Variants in TBC1D2B observed in about 807,000 individuals in gnomAD.
TBC1D2B encodes TBC1 domain family member 2B.
Under a neutral mutation model 100.8 loss-of-function variants are expected in TBC1D2B, and 64 were observed. That is an observed-to-expected ratio of 0.64 (90% CI 0.52 to 0.78). The LOEUF (loss-of-function observed/expected upper bound fraction) is 0.78. Among genes scored for constraint, TBC1D2B ranks in the 30% least tolerant of loss-of-function variants. The pLI is 0.00. For synonymous variants in TBC1D2B, 480 were observed against 479.7 expected, an observed-to-expected ratio of 1.00 and a Z score of -0.01; for missense variants, 1,052 against 1,218.4, an observed-to-expected ratio of 0.86 and a Z score of 2.03.
intron 3 of TBC1D2B, among the ~76,000 whole-genome samples, chr15:78,034,879 G>A (rs1032085762): frequency 2.0e-5 from 3 of 152,176 alleles, no homozygotes; most frequent in African/African-American, 7.2e-5. Context: ...TTACAGTGCA[G>A]ACTTCTCAGA....
intron 3 of TBC1D2B, among the ~76,000 whole-genome samples, chr15:78,039,975 C>A (rs2073037320): frequency 6.6e-6 from 1 of 152,248 alleles, no homozygotes; most frequent in Non-Finnish European, 1.5e-5. Flanking sequence ...CCCAGCCTAG[C>A]ACCCAGAGAT....
intron 3 of TBC1D2B, among the ~76,000 whole-genome samples, chr15:78,039,413 A>G (rs1168420077): frequency 6.6e-6 from 1 of 152,150 alleles, no homozygotes; most frequent in East Asian, 1.9e-4. Flanking sequence ...GGCCTGAGGG[A>G]GTCAAGAGAG....
At position 78,011,644 on chromosome 15, in the gene TBC1D2B, G is replaced by GTTTTTTTTTTTTTTTTTTTT. The variant is rs773624522; in HGVS notation, c.2270+1178_2270+1179insAAAAAAAAAAAAAAAAAAAA. Among the ~76,000 whole-genome samples, 2 of 127,550 alleles carry GTTTTTTTTTTTTTTTTTTTT rather than the reference G, an allele frequency of 1.6e-5. 1 individual carries two copies. 83.7% of individuals were successfully genotyped at this position (127,550 alleles called of 152,430 possible). ...TGCCACCATGCCCAGCTAATTTTTT[G>GTTTTTTTTTTTTTTTTTTTT]GTTTTTTTTTTTTTTTTTTTTTTAG... On this transcript the variant is annotated intron_variant, in intron 9 of 12. Coordinates refer to ENST00000300584, the MANE Select transcript of TBC1D2B (RefSeq NM_144572.2).
chr15:78,011,042 T>G (rs2072209084), intron 9 of TBC1D2B, among the ~76,000 whole-genome samples: 1 of 152,188 alleles, frequency 6.6e-6, no homozygotes, highest in Non-Finnish European at 1.5e-5. Context: ...ATTTTTAGAT[T>G]GAGTATGCAA....
At chr15:78,023,439 C>CTTCT (rs1483569367) in intron 6 of TBC1D2B, among the ~76,000 whole-genome samples, 2 of 152,180 alleles carry the variant, frequency 1.3e-5, no homozygotes, top group Non-Finnish European at 2.9e-5. Context: ...AATCATTAGG[C>CTTCT]TTCTCTACAG....
Position 78,016,695 on chromosome 15 carries a change from G to GT in TBC1D2B, c.1625dup (p.Tyr542Ter). The GT allele has an allele frequency of 6.3e-7, 1 of 1,593,636 alleles. No individual in the cohort carries two copies. Among genetic ancestry groups the GT allele is most frequent in the Non-Finnish European group, 8.5e-7 (1 of 1,171,128 alleles). Residue 542 changes from tyrosine (Y) to a stop codon, truncating the protein, a stop_gained and frameshift_variant, in exon 8 of 13, where the codon TAC becomes TAAC. Transcript: ENST00000300584. LOFTEE classifies it high-confidence loss of function. Reference sequence around the variant, plus strand: ...TCTTCATTTCTTGGAGCAATATCAGGTATTTACTTTCTATCTGGCAGAGCT... The same window carrying GT: ...TCTTCATTTCTTGGAGCAATATCAGGTTATTTACTTTCTATCTGGCAGAGCT... ...EAKLCQIESK[Y>*]LILLQEMKTP...
chr15:78,038,388 A>G (rs2072999123), intron 3 of TBC1D2B, among the ~76,000 whole-genome samples: 1 of 152,222 alleles, frequency 6.6e-6, no homozygotes, highest in Non-Finnish European at 1.5e-5. Context: ...TAACCAGAGA[A>G]GACAGAGCCC....
At chr15:78,074,341 G>C (rs2073793960) in intron 1 of TBC1D2B, among the ~76,000 whole-genome samples, 1 of 152,080 alleles carries the variant, frequency 6.6e-6, no homozygotes, top group African/African-American at 2.4e-5. Context: ...CCTTCTTCCA[G>C]AAAGCCTTGC....
intron 3 of TBC1D2B, among the ~76,000 whole-genome samples, chr15:78,033,652 G>C (rs549785034): frequency 6.1e-4 from 93 of 151,934 alleles, no homozygotes; most frequent in African/African-American, 2.2e-3. Flanking sequence ...ACTTATTGGA[G>C]GTAAATTATA....
chr15:78,075,444 C>T (rs377335555), intron 1 of TBC1D2B, among the ~76,000 whole-genome samples: 2 of 152,182 alleles, frequency 1.3e-5, no homozygotes, highest in African/African-American at 4.8e-5. Flanking sequence ...GTGATCCACC[C>T]GTCTCGGCCT....
chr15:78,075,589 G>A (rs566872969), intron 1 of TBC1D2B, among the ~76,000 whole-genome samples: 33 of 152,276 alleles, frequency 2.2e-4, no homozygotes, highest in East Asian at 3.9e-4. Context: ...AAATTCGTCC[G>A]ACACAGGGAC....
At chr15:78,067,477 CAG>C (rs1305549260) in intron 1 of TBC1D2B, among the ~76,000 whole-genome samples, 1 of 152,212 alleles carries the variant, frequency 6.6e-6, no homozygotes, top group East Asian at 1.9e-4. Flanking sequence ...TCCTGAACAC[CAG>C]AGAGCTGGAG....
chr15:78,025,279 T>C lies in TBC1D2B; in HGVS notation c.1066A>G (p.Lys356Glu), dbSNP rs1450898119. 1 of 1,613,708 alleles carries C rather than the reference T, an allele frequency of 6.2e-7. No homozygotes were observed. Among genetic ancestry groups the C allele is most frequent in the Non-Finnish European group, 8.5e-7 (1 of 1,179,868 alleles). Residue 356 changes from lysine (K) to glutamate (E), a missense_variant, in exon 5 of 13, where the codon AAA becomes GAA. Lys to Glu is a moderately conservative substitution (Grantham distance 56, BLOSUM62 1). This residue lies in a region of TBC1D2B where 627 missense variants were observed against 646.1 expected (regional missense o/e 0.97). Transcript: ENST00000300584. Reference sequence around the variant, plus strand: ...GTTACCTTCTGACTGGACAGGTCTTTCTTTAACTGTTCCAGCTCTTCCTGC... The same window carrying C: ...GTTACCTTCTGACTGGACAGGTCTTCCTTTAACTGTTCCAGCTCTTCCTGC... Reference protein sequence around the residue: ...SQQEELEQLKKDLSSQKELVR... With the variant: ...SQQEELEQLKEDLSSQKELVR...
intron 1 of TBC1D2B, among the ~76,000 whole-genome samples, chr15:78,075,915 G>A (rs555039278): frequency 6.6e-6 from 1 of 152,274 alleles, no homozygotes; most frequent in South Asian, 2.1e-4. Context: ...AAGGCCAGGA[G>A]TTTGCCTAGT....
chr15:78,065,643 G>T (rs2073640345), intron 1 of TBC1D2B, among the ~76,000 whole-genome samples: 1 of 152,166 alleles, frequency 6.6e-6, no homozygotes. Context: ...AACTCCTGCA[G>T]CCACAGCCTG....
chr15:78,001,692 T>C lies in TBC1D2B; in HGVS notation c.2623A>G (p.Ile875Val), dbSNP rs768295269. The C allele has an allele frequency of 1.2e-5, 20 of 1,608,620 alleles. No individual in the cohort carries two copies. The highest frequency in any genetic ancestry group is 2.2e-5 in the South Asian group (2 of 89,826). Residue 875 changes from isoleucine (I) to valine (V), a missense_variant, in exon 12 of 13, where the codon ATT becomes GTT. Coordinates refer to ENST00000300584, the MANE Select transcript of TBC1D2B (RefSeq NM_144572.2). ...LALFKYKEEEILKLQDSMSIF... is the reference protein window; with the variant it reads ...LALFKYKEEEVLKLQDSMSIF... Reference sequence around the variant, plus strand: ...GACATCGAATCTTGCAATTTCAAAATCTCCTCTTCCTTGTACTTAAAAAGT... The same window carrying C: ...GACATCGAATCTTGCAATTTCAAAACCTCCTCTTCCTTGTACTTAAAAAGT...
chr15:78,035,402 C>T lies in TBC1D2B; in HGVS notation c.684-5232G>A, dbSNP rs557316401. 5.3e-5 allele frequency among the ~76,000 whole-genome samples: 8 copies of T among 152,304 alleles called. 1 individual carries two copies. The South Asian group carries it at 1.2e-3, about 24-fold the overall frequency. ...TCCATCAAATTTCTTCCAAGTTAAC[C>T]CCTCCACAAACCGCCTGCACAGCCA... On this transcript the variant is annotated intron_variant, in intron 3 of 12. Coordinates refer to ENST00000300584, the MANE Select transcript of TBC1D2B (RefSeq NM_144572.2).
intron 3 of TBC1D2B, among the ~76,000 whole-genome samples, chr15:78,040,120 C>A (rs541917731): frequency 6.6e-6 from 1 of 152,370 alleles, no homozygotes; most frequent in South Asian, 2.1e-4. Context: ...CACGCTCACA[C>A]GTGTGCTCAG....
intron 7 of TBC1D2B, chr15:78,017,007 G>T: frequency 3.0e-6 from 1 of 338,224 alleles, no homozygotes; most frequent in South Asian, 4.7e-5. Flanking sequence ...GGACAGAGGT[G>T]GAGAGAGCAG....
Sources: allele counts gnomAD v4.1 joint callset (sites outside exome capture counted in the v4.1 genomes callset), GRCh38; gene constraint gnomAD v4.1.1; regional missense constraint gnomAD v4.1.1; transcripts MANE v1.5; gene names NCBI Gene and HGNC (gene_info 2026-07-23, HGNC 2026-07-21).